MED13L: variants seen among roughly 807,000 people sequenced by gnomAD.
The protein encoded by MED13L is mediator of RNA polymerase II transcription subunit 13-like.
In MED13L, 7 loss-of-function variants were observed where a neutral mutation model predicts 220.9. That is an observed-to-expected ratio of 0.03 (90% CI 0.02 to 0.06). The LOEUF (loss-of-function observed/expected upper bound fraction) is 0.06, where lower values mean the gene tolerates loss of function less well. MED13L is among the 10% of genes least tolerant of loss of function. MED13L has a pLI of 1.00. For missense variants in MED13L, 1,965 were observed against 2,760.5 expected (o/e 0.71, Z 6.46); for synonymous variants, 1,011 against 1,015.2 (o/e 1.00, Z 0.08).
intron 1 of MED13L, among the ~76,000 whole-genome samples, chr12:116,254,849 T>C (rs931732746): frequency 2.6e-5 from 4 of 152,134 alleles, no homozygotes; most frequent in African/African-American, 9.7e-5. Flanking sequence ...TAAAAGTATG[T>C]TCCAGATCTA....
intron 4 of MED13L, among the ~76,000 whole-genome samples, chr12:116,059,096 C>T (rs1008126503): frequency 6.6e-6 from 1 of 152,166 alleles, no homozygotes; most frequent in African/African-American, 2.4e-5. Flanking sequence ...AAGACAGGGT[C>T]TCGCTCTGTC....
At chr12:116,196,328 T>C (rs1188382750) in intron 2 of MED13L, among the ~76,000 whole-genome samples, 1 of 151,806 alleles carries the variant, frequency 6.6e-6, no homozygotes, top group Non-Finnish European at 1.5e-5. Context: ...GTCCTCTGGG[T>C]GTTTCCACAG....
intron 2 of MED13L, among the ~76,000 whole-genome samples, chr12:116,236,341 A>C (rs1177643233): frequency 6.6e-6 from 1 of 152,204 alleles, no homozygotes; most frequent in Non-Finnish European, 1.5e-5. Context: ...ATTGTGGTTT[A>C]CCGCCCTCTG....
intron 1 of MED13L, among the ~76,000 whole-genome samples, chr12:116,259,012 A>AAATGTAAACTGACACATCTTTTT (rs1872289642): frequency 6.6e-6 from 1 of 151,886 alleles, no homozygotes; most frequent in African/African-American, 2.4e-5. Flanking sequence ...TTGTCCATAG[A>AAATGTAAACTGACACATCTTTTT]AATGTAAACT....
chr12:116,133,155 T>C, intron 2 of MED13L, among the ~76,000 whole-genome samples: 1 of 152,222 alleles, frequency 6.6e-6, no homozygotes, highest in East Asian at 1.9e-4. Context: ...TATCTCCAAC[T>C]AGTAAAAGCC....
intron 4 of MED13L, among the ~76,000 whole-genome samples, chr12:116,037,385 T>A (rs1345426730): frequency 1.3e-5 from 2 of 152,232 alleles, no homozygotes; most frequent in Non-Finnish European, 2.9e-5. Flanking sequence ...TCAGGCTGTA[T>A]GTACAAGGTA....
intron 4 of MED13L, among the ~76,000 whole-genome samples, chr12:116,033,902 T>C (rs1881010024): frequency 6.6e-6 from 1 of 152,154 alleles, no homozygotes; most frequent in Admixed American, 6.5e-5. Context: ...AAGGAAACAT[T>C]CAATATTAGC....
intron 2 of MED13L, among the ~76,000 whole-genome samples, chr12:116,217,987 C>T (rs1414316007): frequency 2.0e-5 from 3 of 152,198 alleles, no homozygotes; most frequent in African/African-American, 4.8e-5. Flanking sequence ...TCTTTCCCAG[C>T]ACACAACATA....
At chr12:116,212,992 G>A (rs1397155310) in intron 2 of MED13L, among the ~76,000 whole-genome samples, 4 of 151,736 alleles carry the variant, frequency 2.6e-5, no homozygotes, top group African/African-American at 9.7e-5. Context: ...AGCCTAAAAA[G>A]AAAAAAAACT....
In MED13L at chr12:115,959,635, A is replaced by T. The variant is rs1014149856; in HGVS notation, c.*1631T>A. 2 of 152,630 alleles carry T rather than the reference A, an allele frequency of 1.3e-5. No homozygotes were observed. The highest frequency in any genetic ancestry group is 4.8e-5 in the African/African-American group (2 of 41,450). 9.5% of individuals were successfully genotyped at this position (152,630 alleles called of 1,614,324 possible). ...ACATTAGATACAAATGGTTTGATAT[A>T]TCAGATTTTTTATCCTATACATTGC... On this transcript the variant is annotated 3_prime_UTR_variant, in exon 31 of 31. Coordinates refer to ENST00000281928, the MANE Select transcript of MED13L (RefSeq NM_015335.5).
chr12:116,023,229 G>A (rs753606135), intron 4 of MED13L, among the ~76,000 whole-genome samples: 1 of 152,090 alleles, frequency 6.6e-6, no homozygotes, highest in African/African-American at 2.4e-5. Context: ...CCAAGGGTTC[G>A]AGGTTGCAGT....
intron 2 of MED13L, among the ~76,000 whole-genome samples, chr12:116,211,069 G>C (rs1882670839): frequency 6.6e-6 from 1 of 152,160 alleles, no homozygotes; most frequent in South Asian, 2.1e-4. Context: ...GAAACTTCGT[G>C]ACACTCTAAT....
At chr12:116,084,990 G>A (rs757662300) in intron 4 of MED13L, among the ~76,000 whole-genome samples, 16 of 151,988 alleles carry the variant, frequency 1.1e-4, no homozygotes, top group African/African-American at 3.6e-4. Flanking sequence ...TATATACTGC[G>A]ATGTCCGTTT....
At chr12:116,072,580 T>C (rs1870469992) in intron 4 of MED13L, among the ~76,000 whole-genome samples, 1 of 152,210 alleles carries the variant, frequency 6.6e-6, no homozygotes, top group Non-Finnish European at 1.5e-5. Flanking sequence ...ACCTCCTCAG[T>C]AGCTGGGATC....
rs1873952985 is a variant in MED13L, at chr12:116,277,292, C to T, written c.-161G>A. ...GGGCCGGCGGGCAGGCGGGAGGCGC[C>T]GCGGCGACGCCGCGCCGGGGGCAGC... On this transcript the variant is annotated 5_prime_UTR_variant, in exon 1 of 31. Coordinates refer to ENST00000281928, the MANE Select transcript of MED13L (RefSeq NM_015335.5). 2 of 7,880 alleles carry T rather than the reference C, an allele frequency of 2.5e-4. No homozygotes were observed. The highest frequency in any genetic ancestry group is 4.2e-3 in the African/African-American group (1 of 236). The allele number at this position is 7,880 out of a possible 1,614,324, so 0.5% of individuals were successfully genotyped here. A position where few individuals can be genotyped will look rare whatever the true frequency, so the allele number is the denominator to read the frequency against.
intron 25 of MED13L, chr12:115,972,575 T>C (rs1014471927): frequency 1.2e-5 from 4 of 335,760 alleles, no homozygotes; most frequent in African/African-American, 8.5e-5. Flanking sequence ...CCCTATCCTT[T>C]CTCCTCCTTC....
Position 115,991,859 on chromosome 12 carries a change from T to C in MED13L, c.3095A>G (p.Asn1032Ser), listed in dbSNP as rs373734569. ...VTLNSAAPAS[N>S]SGAGVLPSPA... is the part of the protein sequence containing the mutation. Reference sequence around the variant, plus strand: ...AGATGGTAGGACTCCTGCCCCACTATTGCTGGCTGGGGCAGCGCTGTTCAA... The same window carrying C: ...AGATGGTAGGACTCCTGCCCCACTACTGCTGGCTGGGGCAGCGCTGTTCAA... Residue 1032 changes from asparagine to serine, a missense_variant, in exon 17 of 31, where the codon AAT becomes AGT. By Grantham distance (46) the Asn-to-Ser change is conservative. Coordinates refer to ENST00000281928, the MANE Select transcript of MED13L (RefSeq NM_015335.5). This position sits in a 1 kb window ranked among gnomAD's most constrained non-coding sequence, Gnocchi z 7.7. 4.2e-5 allele frequency: 67 copies of C among 1,608,376 alleles called. No homozygotes were observed. The highest frequency in any genetic ancestry group is 5.3e-5 in the Non-Finnish European group (62 of 1,179,936).
At chr12:116,146,678 C>T (rs1877548086) in intron 2 of MED13L, among the ~76,000 whole-genome samples, 2 of 151,708 alleles carry the variant, frequency 1.3e-5, no homozygotes, top group African/African-American at 4.8e-5. Context: ...CCAGCCTGGC[C>T]AACGTGAGGA....
At chr12:116,012,750 T>C (rs954319105) in intron 9 of MED13L, 47 bp downstream of exon 9, 3 of 1,291,172 alleles carry the variant, frequency 2.3e-6, no homozygotes, top group Non-Finnish European at 3.4e-6. Flanking sequence ...ATCAACAAGA[T>C]GCGCCATCAT....
Sources: allele counts gnomAD v4.1 joint callset (sites outside exome capture counted in the v4.1 genomes callset), GRCh38; gene constraint gnomAD v4.1.1; non-coding constraint Gnocchi (gnomAD v3.1); transcripts MANE v1.5; gene names NCBI Gene and HGNC (gene_info 2026-07-23, HGNC 2026-07-21).